The following ADGRV1 variants were observed in gnomAD, a reference collection of about 807,000 sequenced individuals.
ADGRV1 encodes the protein adhesion G protein-coupled receptor V1.
ADGRV1 carries 359 observed loss-of-function variants against 596.2 expected under a neutral mutation model. The ratio of observed to expected loss-of-function variants is 0.60; its 90% CI spans 0.55 to 0.66. The LOEUF (loss-of-function observed/expected upper bound fraction) is 0.66, where lower values mean the gene tolerates loss of function less well. Ranked by LOEUF, ADGRV1 falls within the 30% of genes least tolerant of loss-of-function variation. ADGRV1 has a pLI of 0.00. For synonymous variants in ADGRV1, 2,681 were observed against 2,679.2 expected, an observed-to-expected ratio of 1.00 and a Z score of -0.02; for missense variants, 7,274 against 7,575.6, an observed-to-expected ratio of 0.96 and a Z score of 1.48.
chr5:91,133,016 T>C (rs750967818), intron 87 of ADGRV1, among the ~76,000 whole-genome samples: 1 of 152,168 alleles, frequency 6.6e-6, no homozygotes, highest in African/African-American at 2.4e-5. Context: ...TCTTCTATTA[T>C]GGAGAATTAT....
At chr5:90,854,702 G>A (rs546880160) in intron 81 of ADGRV1, among the ~76,000 whole-genome samples, 1 of 152,268 alleles carries the variant, frequency 6.6e-6, no homozygotes. Context: ...TCGGCCTCAG[G>A]CCTCAAATTT....
intron 53 of ADGRV1, among the ~76,000 whole-genome samples, chr5:90,751,179 A>G (rs565752590): frequency 6.6e-6 from 1 of 152,292 alleles, no homozygotes; most frequent in East Asian, 1.9e-4. Flanking sequence ...GGGGAGATAC[A>G]TCTATGAGGA....
chr5:90,978,899 T>C (rs952434195), intron 84 of ADGRV1, among the ~76,000 whole-genome samples: 1 of 152,184 alleles, frequency 6.6e-6, no homozygotes, highest in African/African-American at 2.4e-5. Flanking sequence ...TATTTCTCAA[T>C]TAAAATTATA....
chr5:90,658,228 A>T lies in ADGRV1; in HGVS notation c.4702A>T (p.Ser1568Cys), dbSNP rs1481614076. The change falls in exon 21 of 90, where the codon AGT becomes TGT. Residue 1568 changes from serine (S) to cysteine (C), a missense_variant. Ser to Cys is a moderately radical substitution (Grantham distance 112, BLOSUM62 -1). Around this residue, in one of 5 missense-constraint regions of ADGRV1, gnomAD observed 3,643 missense variants for 3,809.2 expected, o/e 0.96. Transcript: ENST00000405460. ...TACTGCAAGATTAACAATACAAAAA[A>T]GTGACAATGCAAATGGCTTGTTTGG... ...NTTARLTIQK[S>C]DNANGLFGFT... The T allele has an allele frequency of 6.5e-7, 1 of 1,548,242 alleles. No individual in the cohort carries two copies. The highest frequency in any genetic ancestry group is 8.7e-7 in the Non-Finnish European group (1 of 1,147,442).
intron 26 of ADGRV1, among the ~76,000 whole-genome samples, chr5:90,681,072 T>G (rs1744862665): frequency 1.3e-5 from 2 of 152,218 alleles, no homozygotes. Flanking sequence ...CAAGTTTTCC[T>G]TATTCATCTC....
At chr5:90,736,716 G>C (rs544557380) in intron 50 of ADGRV1, among the ~76,000 whole-genome samples, 1 of 151,650 alleles carries the variant, frequency 6.6e-6, no homozygotes, top group Non-Finnish European at 1.5e-5. Flanking sequence ...GTGTCTAGAC[G>C]TTTATTCATT....
At chr5:90,633,263 C>T (rs191578425) in intron 9 of ADGRV1, among the ~76,000 whole-genome samples, 3 of 152,274 alleles carry the variant, frequency 2.0e-5, no homozygotes, top group Admixed American at 2.0e-4. Flanking sequence ...TCCATCAGTT[C>T]ATTTCATAAC....
intron 21 of ADGRV1, among the ~76,000 whole-genome samples, chr5:90,661,405 T>C (rs941330836): frequency 6.6e-6 from 1 of 152,226 alleles, no homozygotes; most frequent in African/African-American, 2.4e-5. Context: ...TGGACTATAT[T>C]TGTTTTTAAG....
chr5:90,851,127 G>C (rs1167857747), intron 79 of ADGRV1, among the ~76,000 whole-genome samples: 1 of 109,406 alleles, frequency 9.1e-6, no homozygotes, highest in East Asian at 3.2e-4. Flanking sequence ...GTGTGTGTGT[G>C]TGTGTGTGAG....
chr5:90,808,494 A>C (rs1027658621), intron 73 of ADGRV1, among the ~76,000 whole-genome samples: 2 of 152,256 alleles, frequency 1.3e-5, no homozygotes, highest in African/African-American at 2.4e-5. Flanking sequence ...GGGAAATAAA[A>C]TATGACTTTA....
At chr5:90,756,370 C>T in intron 55 of ADGRV1, 84 bp from the exon 56 acceptor site, 1 of 875,012 alleles carries the variant, frequency 1.1e-6, no homozygotes, top group South Asian at 2.1e-5. Flanking sequence ...TCAATTATTT[C>T]CTTACTGAAA....
chr5:90,617,730 G>T, intron 2 of ADGRV1, 74 bp from the exon 3 acceptor site: 1 of 1,204,064 alleles, frequency 8.3e-7, no homozygotes, highest in Non-Finnish European at 1.2e-6. Flanking sequence ...TCTCTTGATT[G>T]CTGTAATTAA....
At chr5:90,814,076 C>A (rs917886900) in intron 74 of ADGRV1, among the ~76,000 whole-genome samples, 9 of 152,170 alleles carry the variant, frequency 5.9e-5, no homozygotes, top group African/African-American at 9.7e-5. Flanking sequence ...CAAATCCTCA[C>A]TTAAGGTGAC....
rs552820820 is a variant in ADGRV1 at position 90,875,601 on chromosome 5, G to A, written c.17856+11744G>A. The stretch of plus-strand genomic sequence containing the variant: ...TCAGGAAAGGTGAGATGGAGGGGAA[G>A]AGGGAGACTTCTGGAAACTAGCTTC... On this transcript the variant is annotated intron_variant, in intron 83 of 89. Coordinates refer to ENST00000405460, the MANE Select transcript of ADGRV1 (RefSeq NM_032119.4). 1.2e-4 allele frequency among the ~76,000 whole-genome samples: 18 copies of A among 152,332 alleles called. 1 individual carries two copies. The South Asian group carries it at 3.5e-3, about 30-fold the overall frequency.
At chr5:91,089,510 G>A (rs1371121219) in intron 86 of ADGRV1, among the ~76,000 whole-genome samples, 2 of 152,144 alleles carry the variant, frequency 1.3e-5, no homozygotes, top group Non-Finnish European at 2.9e-5. Flanking sequence ...AACAAAGGCA[G>A]CTTTGAAGTA....
At chr5:91,039,229 A>G (rs1785145594) in intron 85 of ADGRV1, among the ~76,000 whole-genome samples, 1 of 152,232 alleles carries the variant, frequency 6.6e-6, no homozygotes, top group Admixed American at 6.5e-5. Context: ...AGATCAGGGT[A>G]GGACTCAGGC....
At chr5:91,087,769 A>G (rs555311163) in intron 86 of ADGRV1, among the ~76,000 whole-genome samples, 7 of 152,306 alleles carry the variant, frequency 4.6e-5, no homozygotes, top group African/African-American at 1.7e-4. Flanking sequence ...GGAGGCACTA[A>G]TAGTATATTC....
rs748241862 is a variant in ADGRV1, at chr5:90,811,225, C to G, written c.15965C>G (p.Pro5322Arg). 6.2e-7 allele frequency: 1 copy of G among 1,612,878 alleles called. No homozygotes were observed. Among genetic ancestry groups the G allele is most frequent in the South Asian group, 1.1e-5 (1 of 90,840 alleles). Residue 5322 changes from proline (P) to arginine (R), a missense_variant, in exon 74 of 90, where the codon CCT becomes CGT. Physicochemically the swap from Pro to Arg is moderately radical, Grantham distance 103 (BLOSUM62 -2). This residue lies in a region of ADGRV1 where 1,874 missense variants were observed against 1,970.2 expected (regional missense o/e 0.95). Coordinates refer to ENST00000405460, the MANE Select transcript of ADGRV1 (RefSeq NM_032119.4). ...VSVQILDDDE[P>R]EGQEFFYVFL... ...GTTCAAATTTTGGATGATGATGAGC[C>G]TGAGGGGCAGGAATTCTTCTACGTG...
intron 83 of ADGRV1, among the ~76,000 whole-genome samples, chr5:90,952,455 G>A (rs1463027156): frequency 6.6e-6 from 1 of 152,122 alleles, no homozygotes; most frequent in Admixed American, 6.6e-5. Context: ...ATTTATGATG[G>A]AGGGAGGGGG....
Sources: allele counts gnomAD v4.1 joint callset (sites outside exome capture counted in the v4.1 genomes callset), GRCh38; gene constraint gnomAD v4.1.1; regional missense constraint gnomAD v4.1.1; transcripts MANE v1.5; gene names NCBI Gene and HGNC (gene_info 2026-07-23, HGNC 2026-07-21).